Variants in LYPLAL1 observed in about 807,000 individuals in gnomAD.
LYPLAL1 encodes lysophospholipase like 1.
LYPLAL1 carries 23 observed loss-of-function variants against 19.7 expected under a neutral mutation model. That is an observed-to-expected ratio of 1.17 (90% CI 0.84 to 1.65). The LOEUF (loss-of-function observed/expected upper bound fraction) is 1.65. LYPLAL1 is among the 40% of genes most tolerant of loss of function. The probability of loss-of-function intolerance (pLI) is 0.00; values close to 1 mark genes in which losing one functional copy is unlikely to be tolerated. For synonymous variants in LYPLAL1, 119 were observed against 96.3 expected (o/e 1.24, Z -1.38); for missense variants, 355 against 279.4 (o/e 1.27, Z -1.93).
chr1:219,247,961 C>T, the LYPLAL1 span, among the ~76,000 whole-genome samples: 1 of 151,558 alleles, frequency 6.6e-6, no homozygotes, highest in African/African-American at 2.4e-5. Context: ...TTTTTTAATC[C>T]TTGAAAAAGT....
the LYPLAL1 span, among the ~76,000 whole-genome samples, chr1:219,316,655 T>A: frequency 5.9e-5 from 9 of 152,298 alleles, no homozygotes; most frequent in African/African-American, 2.2e-4. Context: ...TGTCCATTGA[T>A]GGTCAAATGT....
intron 2 of LYPLAL1, among the ~76,000 whole-genome samples, chr1:219,182,072 T>C (rs1329963036): frequency 6.6e-6 from 1 of 152,168 alleles, no homozygotes; most frequent in Non-Finnish European, 1.5e-5. Context: ...TTGTGGTAAA[T>C]AACCTAAGAA....
chr1:219,288,166 G>T, the LYPLAL1 span, among the ~76,000 whole-genome samples: 1 of 152,156 alleles, frequency 6.6e-6, no homozygotes, highest in African/African-American at 2.4e-5. Flanking sequence ...ACCTACACAG[G>T]AAAGTTTATA....
At chr1:219,355,639 A>G in the LYPLAL1 span, among the ~76,000 whole-genome samples, 1 of 152,194 alleles carries the variant, frequency 6.6e-6, no homozygotes, top group South Asian at 2.1e-4. Context: ...GAAGACATTT[A>G]TAGAACTTTA....
chr1:219,285,763 TA>T, the LYPLAL1 span, among the ~76,000 whole-genome samples: 3 of 152,180 alleles, frequency 2.0e-5, no homozygotes, highest in Non-Finnish European at 4.4e-5. Flanking sequence ...GGTTTTCTTT[TA>T]GGGGCAATGA....
At chr1:219,346,644 C>G in the LYPLAL1 span, among the ~76,000 whole-genome samples, 1 of 152,074 alleles carries the variant, frequency 6.6e-6, no homozygotes, top group Non-Finnish European at 1.5e-5. Flanking sequence ...CAGGACATCC[C>G]CAGGAGACCT....
the LYPLAL1 span, among the ~76,000 whole-genome samples, chr1:219,266,990 T>C: frequency 6.6e-6 from 1 of 152,176 alleles, no homozygotes; most frequent in Non-Finnish European, 1.5e-5. Context: ...CAGAGAAAGA[T>C]CACAGTGAAT....
At chr1:219,188,725 T>A (rs1656920926) in intron 2 of LYPLAL1, among the ~76,000 whole-genome samples, 1 of 151,386 alleles carries the variant, frequency 6.6e-6, no homozygotes, top group South Asian at 2.1e-4. Flanking sequence ...TAGCTTAATA[T>A]TTTACCAATG....
At chr1:219,292,698 C>T in the LYPLAL1 span, among the ~76,000 whole-genome samples, 1 of 152,194 alleles carries the variant, frequency 6.6e-6, no homozygotes, top group Non-Finnish European at 1.5e-5. Context: ...AGATGTACTA[C>T]ATACTGTGCA....
the LYPLAL1 span, among the ~76,000 whole-genome samples, chr1:219,257,179 A>G: frequency 1.7e-4 from 26 of 151,960 alleles, no homozygotes; most frequent in South Asian, 2.5e-3. Flanking sequence ...TAATTTGTCT[A>G]TGTTTAACAT....
At chr1:219,434,496 C>T in the LYPLAL1 span, among the ~76,000 whole-genome samples, 128 of 152,304 alleles carry the variant, frequency 8.4e-4, no homozygotes, top group African/African-American at 2.9e-3. Flanking sequence ...GCAAAGAGCT[C>T]TCCTCTGAAT....
chr1:219,316,586 C>T, the LYPLAL1 span, among the ~76,000 whole-genome samples: 12 of 152,164 alleles, frequency 7.9e-5, no homozygotes, highest in East Asian at 1.9e-4. Flanking sequence ...TTCTTTGTTA[C>T]GAGATGTTTG....
chr1:219,300,143 C>T, the LYPLAL1 span, among the ~76,000 whole-genome samples: 2 of 152,040 alleles, frequency 1.3e-5, no homozygotes, highest in African/African-American at 4.8e-5. Flanking sequence ...GCCACTATGC[C>T]CACCTAATAT....
At chr1:219,386,883 A>G in the LYPLAL1 span, among the ~76,000 whole-genome samples, 2 of 152,256 alleles carry the variant, frequency 1.3e-5, no homozygotes, top group East Asian at 1.9e-4. Flanking sequence ...TATTCCCTCT[A>G]TCTATTTTAA....
chr1:219,304,518 C>T, the LYPLAL1 span, among the ~76,000 whole-genome samples: 3 of 152,156 alleles, frequency 2.0e-5, no homozygotes, highest in Admixed American at 6.5e-5. Context: ...GTGAGTGACT[C>T]TTAGATTACT....
chr1:219,444,538 C>T, the LYPLAL1 span, among the ~76,000 whole-genome samples: 21 of 152,212 alleles, frequency 1.4e-4, no homozygotes, highest in South Asian at 2.1e-4. Flanking sequence ...AATCTCTCTT[C>T]TTCAACAAGG....
the LYPLAL1 span, among the ~76,000 whole-genome samples, chr1:219,368,954 G>A: frequency 6.6e-6 from 1 of 152,202 alleles, no homozygotes; most frequent in East Asian, 1.9e-4. Context: ...CAGAGAGAGT[G>A]TTCCTTCTTT....
the LYPLAL1 span, among the ~76,000 whole-genome samples, chr1:219,332,825 C>A: frequency 1.7e-5 from 2 of 116,342 alleles, no homozygotes; most frequent in African/African-American, 3.3e-5. Context: ...ATTTTCTGCC[C>A]CCCCCCCCCA....
At chr1:219,225,174 T>A in the LYPLAL1 span, 1 of 152,216 alleles carries the variant, frequency 6.6e-6, no homozygotes, top group African/African-American at 2.4e-5. Context: ...AGATTCATGT[T>A]TCTAACTTCC....
Sources: allele counts gnomAD v4.1 joint callset (sites outside exome capture counted in the v4.1 genomes callset), GRCh38; gene constraint gnomAD v4.1.1; transcripts MANE v1.5; gene names NCBI Gene and HGNC (gene_info 2026-07-23, HGNC 2026-07-21).